Variants in PKIG observed in about 807,000 individuals in gnomAD.
PKIG encodes the protein protein kinase (cAMP-dependent, catalytic) inhibitor gamma.
In PKIG, 1 loss-of-function variant was observed where a neutral mutation model predicts 6.8. That is an observed-to-expected ratio of 0.15 (90% confidence interval 0.05 to 0.69). The LOEUF (loss-of-function observed/expected upper bound fraction) is 0.69, where lower values mean the gene tolerates loss of function less well. Among genes scored for constraint, PKIG ranks in the 30% least tolerant of loss-of-function variants. The probability of loss-of-function intolerance (pLI) is 0.82; values close to 1 mark genes in which losing one functional copy is unlikely to be tolerated. For missense variants in PKIG, 77 were observed against 104.0 expected (o/e 0.74, Z 1.13); for synonymous variants, 39 against 43.0 (o/e 0.91, Z 0.36).
At chr20:44,564,153 A>G (rs1435635898) in intron 1 of PKIG, 1 of 152,188 alleles carries the variant, frequency 6.6e-6, no homozygotes, top group Non-Finnish European at 1.5e-5. Flanking sequence ...GGGGTGAGGT[A>G]AAAGACTACT....
intron 1 of PKIG, among the ~76,000 whole-genome samples, chr20:44,577,286 G>A (rs962907186): frequency 3.9e-5 from 6 of 151,920 alleles, no homozygotes; most frequent in Non-Finnish European, 7.4e-5. Flanking sequence ...GCACCACCAC[G>A]CCCAGCTAAT....
chr20:44,593,777 G>C (rs2065053820), intron 2 of PKIG, among the ~76,000 whole-genome samples: 1 of 152,212 alleles, frequency 6.6e-6, no homozygotes, highest in Admixed American at 6.5e-5. Flanking sequence ...AAAAGTAACT[G>C]TGTGAGGTGG....
At chr20:44,615,819 CT>C (rs1160401960) in intron 3 of PKIG, among the ~76,000 whole-genome samples, 21 of 152,282 alleles carry the variant, frequency 1.4e-4, no homozygotes, top group African/African-American at 5.1e-4. Context: ...ACCCAGCCCT[CT>C]CATGTTACAG....
intron 1 of PKIG, among the ~76,000 whole-genome samples, chr20:44,551,305 C>T (rs1214486694): frequency 1.3e-5 from 2 of 152,176 alleles, no homozygotes; most frequent in African/African-American, 2.4e-5. Flanking sequence ...CTGCCCACCT[C>T]GGCCTCCCAA....
chr20:44,580,194 A>C (rs1415135757), upstream of PKIG, among the ~76,000 whole-genome samples: 1 of 152,180 alleles, frequency 6.6e-6, no homozygotes, highest in African/African-American at 2.4e-5. Context: ...AACCTTGGAG[A>C]GTAAGGCTGT....
Position 44,614,592 on chromosome 20 carries a change from C to T in PKIG, c.36C>T (p.Ile12=). 6.2e-7 allele frequency: 1 copy of T among 1,614,104 alleles called. No homozygotes were observed. Among genetic ancestry groups the T allele is most frequent in the African/African-American group, 1.3e-5 (1 of 75,042 alleles). ...MEVESSYSDF[I]SCDRTGRRNA... is the part of the protein sequence containing the mutation. ...TCGAGTCCTCCTACTCGGACTTCAT[C>T]TCCTGTGACCGGACAGGCCGTCGGA... Residue 12 remains isoleucine (I), a synonymous_variant, in exon 3 of 4, where the codon ATC becomes ATT. Coordinates refer to ENST00000372886, the MANE Select transcript of PKIG (RefSeq NM_001281445.2). The surrounding 1 kb of genome is among the most constrained non-coding windows in gnomAD (Gnocchi z 4.6).
chr20:44,544,861 A>G (rs998140902), intron 1 of PKIG, among the ~76,000 whole-genome samples: 2 of 148,682 alleles, frequency 1.3e-5, no homozygotes, highest in Admixed American at 6.7e-5. Flanking sequence ...AGAAAATTGC[A>G]GTTTTTACAT....
intron 2 of PKIG, among the ~76,000 whole-genome samples, chr20:44,606,237 G>C (rs896613212): frequency 8.5e-5 from 13 of 152,292 alleles, no homozygotes; most frequent in African/African-American, 2.9e-4. Flanking sequence ...CAGAAAAGGA[G>C]ATGCAAGTGG....
chr20:44,566,537 T>A (rs187173594), intron 1 of PKIG, among the ~76,000 whole-genome samples: 1 of 152,322 alleles, frequency 6.6e-6, no homozygotes, highest in African/African-American at 2.4e-5. Context: ...CTATACCGTT[T>A]CATGTTTTGA....
chr20:44,568,750 T>C (rs1383583025), intron 1 of PKIG, among the ~76,000 whole-genome samples: 28 of 152,168 alleles, frequency 1.8e-4, no homozygotes, highest in Non-Finnish European at 8.8e-5. Flanking sequence ...CACCTGGCTC[T>C]TATGTGACTA....
chr20:44,565,240 A>G (rs1295815774), intron 1 of PKIG, among the ~76,000 whole-genome samples: 2 of 152,194 alleles, frequency 1.3e-5, no homozygotes, highest in Non-Finnish European at 2.9e-5. Context: ...TGCTGGGACT[A>G]TAGAGTTGAA....
intron 1 of PKIG, among the ~76,000 whole-genome samples, chr20:44,544,329 G>GT (rs2064591018): frequency 6.6e-6 from 1 of 152,076 alleles, no homozygotes; most frequent in Non-Finnish European, 1.5e-5. Context: ...CTATGAGTAG[G>GT]TGAATGGACG....
upstream of PKIG, among the ~76,000 whole-genome samples, chr20:44,581,764 GC>G (rs2064950352): frequency 6.6e-6 from 1 of 152,326 alleles, no homozygotes; most frequent in East Asian, 1.9e-4. Context: ...GCCCAGCTGA[GC>G]CTGGCATCTT....
chr20:44,541,495 G>A (rs987165723), intron 1 of PKIG, among the ~76,000 whole-genome samples: 9 of 151,956 alleles, frequency 5.9e-5, no homozygotes, highest in Admixed American at 1.3e-4. Context: ...CTGTATGTTG[G>A]CCTGGCTGGT....
intron 2 of PKIG, among the ~76,000 whole-genome samples, chr20:44,596,409 T>G (rs1180353616): frequency 1.2e-4 from 19 of 152,300 alleles, no homozygotes; most frequent in African/African-American, 4.3e-4. Flanking sequence ...GGGGCTGGCA[T>G]TCCCATGAAG....
Position 44,609,008 on chromosome 20 carries a change from A to G in PKIG, c.-23-5526A>G, listed in dbSNP as rs1188058238. On this transcript the variant is annotated intron_variant, in intron 2 of 3. Transcript: ENST00000372886. ...GTCTCATTAACAGGGTTTGAGAATGACCATTTTCTGACAGGATTTCCAACT... is the reference window on the plus strand; with the variant it reads ...GTCTCATTAACAGGGTTTGAGAATGGCCATTTTCTGACAGGATTTCCAACT... Among the ~76,000 whole-genome samples the G allele has an allele frequency of 3.9e-5, 6 of 152,176 alleles. No individual in the cohort carries two copies. In the South Asian group the frequency reaches 1.2e-3, roughly 31 times the overall value.
chr20:44,611,243 G>A (rs192346886), intron 2 of PKIG, among the ~76,000 whole-genome samples: 2 of 151,934 alleles, frequency 1.3e-5, no homozygotes, highest in Non-Finnish European at 2.9e-5. Flanking sequence ...TAGTAGAGGC[G>A]ACGTTTCACG....
intron 1 of PKIG, among the ~76,000 whole-genome samples, chr20:44,535,332 A>G (rs1381353309): frequency 6.6e-6 from 1 of 152,090 alleles, no homozygotes; most frequent in Non-Finnish European, 1.5e-5. Flanking sequence ...GATATTGACT[A>G]TCATGTTTTT....
chr20:44,557,840 TAAA>T (rs947034774), intron 1 of PKIG, among the ~76,000 whole-genome samples: 1 of 145,400 alleles, frequency 6.9e-6, no homozygotes, highest in Non-Finnish European at 1.5e-5. Flanking sequence ...TAAAAAATAA[TAAA>T]AAAAAAAGCT....
Sources: gnomAD v4.1 joint callset for allele counts (sites outside exome capture counted in the v4.1 genomes callset) on GRCh38, gnomAD v4.1.1 for gene constraint, Gnocchi (gnomAD v3.1) non-coding constraint, MANE v1.5 for transcripts, NCBI Gene and HGNC (gene_info 2026-07-23, HGNC 2026-07-21) for gene names.